Variants in CLUL1 observed in about 807,000 individuals in gnomAD.
CLUL1 encodes the protein clusterin-like protein 1.
In CLUL1, 43 loss-of-function variants were observed where a neutral mutation model predicts 49.4. The ratio of observed to expected loss-of-function variants is 0.87; its 90% CI spans 0.68 to 1.12. The LOEUF (loss-of-function observed/expected upper bound fraction) is 1.12, where lower values mean the gene tolerates loss of function less well. Among genes scored for constraint, CLUL1 ranks in the 50% most tolerant of loss-of-function variants. CLUL1 has a pLI of 0.00. For missense variants in CLUL1, 486 were observed against 544.4 expected (o/e 0.89, Z 1.07); for synonymous variants, 192 against 184.9 (o/e 1.04, Z -0.31).
intron 6 of CLUL1, among the ~76,000 whole-genome samples, chr18:631,221 T>G (rs2073985798): frequency 6.6e-6 from 1 of 152,218 alleles, no homozygotes; most frequent in Admixed American, 6.5e-5. Flanking sequence ...TTCTCATATT[T>G]CTTTCCTACC....
intron 4 of CLUL1, among the ~76,000 whole-genome samples, chr18:622,888 A>C (rs2073538069): frequency 1.3e-5 from 2 of 152,198 alleles, no homozygotes; most frequent in Non-Finnish European, 2.9e-5. Flanking sequence ...ATATGTATTA[A>C]GTAATTTGCC....
chr18:608,825 C>T (rs1186730946), intron 2 of CLUL1, among the ~76,000 whole-genome samples: 1 of 152,168 alleles, frequency 6.6e-6, no homozygotes, highest in African/African-American at 2.4e-5. Flanking sequence ...CTGGCAATAA[C>T]CAAAGAGTTT....
rs1269121083 is a variant in CLUL1, at chr18:617,994, C to A, written c.-7C>A. On this transcript the variant is annotated 5_prime_UTR_variant, in exon 3 of 10. Coordinates refer to ENST00000692774, the MANE Select transcript of CLUL1 (RefSeq NM_001393344.1). ...GTTTATTTTTCCTTTGCAGTAACAG[C>A]GGGAACATGAAGCCGCCACTCTTGG... The A allele has an allele frequency of 6.2e-6, 10 of 1,613,184 alleles. No homozygotes were observed. The highest frequency in any genetic ancestry group is 8.5e-6 in the Non-Finnish European group (10 of 1,179,480).
rs1420979171 is a variant in CLUL1 at position 618,333 on chromosome 18, G to A, written c.106+227G>A. 2.0e-5 allele frequency among the ~76,000 whole-genome samples: 3 copies of A among 152,168 alleles called. No individual in the cohort carries two copies. The highest frequency in any genetic ancestry group is 4.4e-5 in the Non-Finnish European group (3 of 68,026). ...CCTTTCCAGATGTTTGTATCATGTA[G>A]ATACAACTTGCCAGTTTTTTCACTG... On this transcript the variant is annotated intron_variant, in intron 3 of 9. Transcript: ENST00000692774. The surrounding 1 kb of genome is among the most constrained non-coding windows in gnomAD (Gnocchi z 4.2).
chr18:599,284 T>C (rs1462316459), intron 1 of CLUL1, among the ~76,000 whole-genome samples: 1 of 152,206 alleles, frequency 6.6e-6, no homozygotes, highest in Admixed American at 6.5e-5. Context: ...ATTCCGGTTG[T>C]CTACCAGATT....
At position 647,006 on chromosome 18, in the gene CLUL1, C is replaced by T. The variant is rs144061884; in HGVS notation, c.1397+1909C>T. Reference sequence around the variant, plus strand: ...CCTCAAGTAATCCACCCACCTTGGCCTCCCAAAGTGCTGGGATCACAGGCA... The same window carrying T: ...CCTCAAGTAATCCACCCACCTTGGCTTCCCAAAGTGCTGGGATCACAGGCA... On this transcript the variant is annotated intron_variant, in intron 9 of 9. Transcript: ENST00000692774. Among the ~76,000 whole-genome samples the T allele has an allele frequency of 9.3e-3, 1,421 of 152,198 alleles. 19 individuals carry two copies. The highest frequency in any genetic ancestry group is 0.032 in the African/African-American group (1,344 of 41,494).
At chr18:608,081 T>C (rs2073032196) in intron 2 of CLUL1, among the ~76,000 whole-genome samples, 1 of 152,196 alleles carries the variant, frequency 6.6e-6, no homozygotes, top group Non-Finnish European at 1.5e-5. Flanking sequence ...GTCAGATGCA[T>C]GCCAGACTAA....
At chr18:598,331 G>T (rs976884525) in intron 1 of CLUL1, 7 of 386,276 alleles carry the variant, frequency 1.8e-5, no homozygotes, top group Non-Finnish European at 2.7e-5. Flanking sequence ...AAGTCACGAT[G>T]ATCTGTTTTT....
At chr18:603,029 G>A (rs1298739617) in intron 1 of CLUL1, among the ~76,000 whole-genome samples, 1 of 152,144 alleles carries the variant, frequency 6.6e-6, no homozygotes, top group African/African-American at 2.4e-5. Context: ...AGACTTTTGA[G>A]CAAAGAGGTA....
intron 7 of CLUL1, among the ~76,000 whole-genome samples, chr18:633,899 C>T (rs1422864631): frequency 6.6e-6 from 1 of 150,636 alleles, no homozygotes; most frequent in Non-Finnish European, 1.5e-5. Flanking sequence ...GGTTGCTTTA[C>T]GAGGAAATTA....
Position 625,047 on chromosome 18 carries a change from G to C in CLUL1, c.423+15G>C, listed in dbSNP as rs1172113327. On this transcript the variant is annotated intron_variant, in intron 5 of 9. Coordinates refer to ENST00000692774, the MANE Select transcript of CLUL1 (RefSeq NM_001393344.1). ...TGAAAAATAAGGTAAGAGAAAAAGA[G>C]AGCTCAAGATTTCACAGTTCTTGAG... The C allele has an allele frequency of 3.1e-6, 5 of 1,612,936 alleles. No homozygotes were observed. The Admixed American group carries it at 5.0e-5, about 16-fold the overall frequency.
chr18:611,851 G>A (rs2073142635), intron 2 of CLUL1, among the ~76,000 whole-genome samples: 1 of 152,160 alleles, frequency 6.6e-6, no homozygotes, highest in African/African-American at 2.4e-5. Flanking sequence ...AGACCCTGGT[G>A]GACTGGGTAG....
intron 2 of CLUL1, among the ~76,000 whole-genome samples, chr18:613,833 T>C (rs982838469): frequency 6.6e-6 from 1 of 152,206 alleles, no homozygotes; most frequent in South Asian, 2.1e-4. Flanking sequence ...AACATTTTCA[T>C]TTATAATAAC....
chr18:619,322 T>C lies in CLUL1; in HGVS notation c.216T>C (p.Asn72=). 1 of 1,613,836 alleles carries C rather than the reference T, an allele frequency of 6.2e-7. No individual in the cohort carries two copies. The highest frequency in any genetic ancestry group is 1.1e-5 in the South Asian group (1 of 91,016). ...MMERKEKEHT[N]LMSTLKKCRE... ...AAAGAAAAGAGAAGGAACACACCAA[T>C]CTAATGAGCACCCTGAAGAAATGCA... Residue 72 remains asparagine, a synonymous_variant, in exon 4 of 10, where the codon AAT becomes AAC. Coordinates refer to ENST00000692774, the MANE Select transcript of CLUL1 (RefSeq NM_001393344.1).
chr18:609,083 A>C lies in CLUL1; in HGVS notation c.-14+1984A>C, dbSNP rs528808533. Among the ~76,000 whole-genome samples the C allele has an allele frequency of 1.1e-4, 17 of 152,286 alleles. No homozygotes were observed. In the South Asian group the frequency reaches 3.1e-3, roughly 28 times the overall value. On this transcript the variant is annotated intron_variant, in intron 2 of 9. Coordinates refer to ENST00000692774, the MANE Select transcript of CLUL1 (RefSeq NM_001393344.1). ...ATATACACAATGAGATATCTTGGGG[A>C]TAGAACCTACATCTAAACACAAAAT...
intron 6 of CLUL1, among the ~76,000 whole-genome samples, chr18:629,603 T>C (rs1184691251): frequency 6.6e-6 from 1 of 152,328 alleles, no homozygotes; most frequent in East Asian, 1.9e-4. Flanking sequence ...TACTCTCAGC[T>C]GCCTCACACG....
chr18:608,302 C>T (rs2143944704), intron 2 of CLUL1, among the ~76,000 whole-genome samples: 1 of 152,294 alleles, frequency 6.6e-6, no homozygotes, highest in Middle Eastern at 3.4e-3. Context: ...TCATTGTTTC[C>T]TCCCCTTACC....
chr18:641,398 C>G lies in CLUL1; in HGVS notation c.1066C>G (p.Gln356Glu), dbSNP rs763229640. Reference protein sequence around the residue: ...AIRLVNVSNQQYGQILQMTRK... With the variant: ...AIRLVNVSNQEYGQILQMTRK... The stretch of plus-strand genomic sequence containing the variant: ...CAGGTTGGTCAATGTATCCAATCAG[C>G]AGTATGGCCAGATTCTCCAGATGAC... The change falls in exon 8 of 10, where the codon CAG becomes GAG. Residue 356 changes from glutamine (Q) to glutamate (E), a missense_variant. Coordinates refer to ENST00000692774, the MANE Select transcript of CLUL1 (RefSeq NM_001393344.1). The G allele has an allele frequency of 6.2e-7, 1 of 1,614,154 alleles. No homozygotes were observed. Among genetic ancestry groups the G allele is most frequent in the South Asian group, 1.1e-5 (1 of 91,086 alleles).
At chr18:620,040 T>TA (rs1314728170) in intron 4 of CLUL1, among the ~76,000 whole-genome samples, 1 of 152,134 alleles carries the variant, frequency 6.6e-6, no homozygotes, top group South Asian at 2.1e-4. Flanking sequence ...TTCCTATGAC[T>TA]AAAAAATTTG....
Sources: gnomAD v4.1 joint callset for allele counts (sites outside exome capture counted in the v4.1 genomes callset) on GRCh38, gnomAD v4.1.1 for gene constraint, Gnocchi (gnomAD v3.1) non-coding constraint, MANE v1.5 for transcripts, NCBI Gene and HGNC (gene_info 2026-07-23, HGNC 2026-07-21) for gene names.